TNIP1: variants seen among roughly 807,000 people sequenced by gnomAD.
The protein encoded by TNIP1 is TNFAIP3-interacting protein 1.
A neutral mutation model predicts 86.6 loss-of-function variants in TNIP1; 22 were observed. The observed-to-expected ratio is 0.25, with a 90% CI of 0.18 to 0.36. TNIP1 has a LOEUF of 0.36. Among genes scored for constraint, TNIP1 ranks in the 10% least tolerant of loss-of-function variants. TNIP1 has a pLI of 1.00. For synonymous variants in TNIP1, 294 were observed against 313.0 expected (o/e 0.94, Z 0.64); for missense variants, 709 against 820.6 (o/e 0.86, Z 1.66).
intron 5 of TNIP1, among the ~76,000 whole-genome samples, chr5:151,057,475 C>T (rs915212351): frequency 9.9e-5 from 15 of 152,200 alleles, no homozygotes; most frequent in Non-Finnish European, 2.9e-5. Context: ...CCTGTAATCC[C>T]ACCACTTTGG....
chr5:151,070,189 G>A (rs1762681478), intron 1 of TNIP1, among the ~76,000 whole-genome samples: 1 of 152,204 alleles, frequency 6.6e-6, no homozygotes, highest in Non-Finnish European at 1.5e-5. Context: ...AACAATATGT[G>A]TATAGTTGGA....
chr5:151,035,527 C>T, intron 14 of TNIP1, 55 bp downstream of exon 14: 7 of 1,612,940 alleles, frequency 4.3e-6, no homozygotes, highest in South Asian at 3.3e-5. Context: ...CAATCCATGC[C>T]CCCTCTCCCC....
At chr5:151,037,025 A>G (rs968426450) in intron 12 of TNIP1, 104 bp from the exon 13 acceptor site, 2 of 1,384,792 alleles carry the variant, frequency 1.4e-6, no homozygotes, top group African/African-American at 2.9e-5. Context: ...AATCATACTA[A>G]TAATAGCCAC....
chr5:151,076,205 G>C (rs1483176562), intron 1 of TNIP1, among the ~76,000 whole-genome samples: 3 of 152,234 alleles, frequency 2.0e-5, no homozygotes, highest in African/African-American at 7.2e-5. Flanking sequence ...GTCTTTCTCT[G>C]GGGGTTGGGA....
chr5:151,072,107 A>G (rs1307905852), intron 1 of TNIP1, among the ~76,000 whole-genome samples: 1 of 152,230 alleles, frequency 6.6e-6, no homozygotes, highest in Admixed American at 6.5e-5. Context: ...TTGCCTGAGA[A>G]TACACAGCTG....
intron 11 of TNIP1, 114 bp from the exon 12 acceptor site, chr5:151,039,339 T>G (rs1343677950): frequency 8.1e-7 from 1 of 1,237,590 alleles, no homozygotes; most frequent in Non-Finnish European, 1.1e-6. Context: ...CACTTCACAA[T>G]GCTCACATGC....
intron 12 of TNIP1, among the ~76,000 whole-genome samples, chr5:151,037,770 G>A (rs895539034): frequency 1.3e-5 from 2 of 152,152 alleles, no homozygotes; most frequent in African/African-American, 4.8e-5. Context: ...GGACCGAGGG[G>A]AGATAGAGAC....
At chr5:151,050,018 C>T in intron 7 of TNIP1, 71 bp from the exon 8 acceptor site, 1 of 1,599,822 alleles carries the variant, frequency 6.3e-7, no homozygotes, top group Non-Finnish European at 8.5e-7. Flanking sequence ...CTCCTTAATG[C>T]TCACTATCGC....
intron 1 of TNIP1, among the ~76,000 whole-genome samples, chr5:151,080,620 T>C (rs1323408478): frequency 2.0e-5 from 3 of 152,198 alleles, no homozygotes; most frequent in Non-Finnish European, 4.4e-5. Context: ...CTGCGCTCTC[T>C]ACAACCGCCC....
At chr5:151,054,654 G>A (rs1045989810) in intron 6 of TNIP1, among the ~76,000 whole-genome samples, 40 of 152,184 alleles carry the variant, frequency 2.6e-4, no homozygotes, top group African/African-American at 8.9e-4. Flanking sequence ...ACTCCAGCCT[G>A]GGTGGCGGAG....
rs748371382 is a variant in TNIP1, at chr5:151,056,820, G to A, written c.573C>T (p.Phe191=). The change falls in exon 6 of 18, where the codon TTC becomes TTT. Residue 191 remains phenylalanine, a synonymous_variant. Transcript: ENST00000521591. ...TGTGCACCTTGGATGCCAGTCGGTT[G>A]AACTCCAGGGCCATGCGGCCCAGGT... ...FTHLGRMALE[F]NRLASKVHKN... 6.3e-7 allele frequency: 1 copy of A among 1,583,534 alleles called. No homozygotes were observed. The highest frequency in any genetic ancestry group is 2.4e-5 in the East Asian group (1 of 42,042).
chr5:151,063,473 A>C (rs1761839960), intron 3 of TNIP1, 140 bp downstream of exon 3: 1 of 1,330,300 alleles, frequency 7.5e-7, no homozygotes, highest in Non-Finnish European at 1.0e-6. Flanking sequence ...GTGGCAGCCA[A>C]AACATGAATG....
intron 9 of TNIP1, among the ~76,000 whole-genome samples, chr5:151,043,363 A>G (rs1462131273): frequency 6.6e-6 from 1 of 152,220 alleles, no homozygotes; most frequent in Non-Finnish European, 1.5e-5. Context: ...ATATATACAC[A>G]AGGCTAATCA....
chr5:151,056,997 GC>G lies in TNIP1; in HGVS notation c.436-41del, dbSNP rs1453821913. The stretch of plus-strand genomic sequence containing the variant: ...GGCACACGGCCCACTCTTCACCAAG[GC>G]CTGAGTAGGCGCCGCCAGTCCATTC... On this transcript the variant is annotated intron_variant, in intron 5 of 17. Coordinates refer to ENST00000521591, the MANE Select transcript of TNIP1 (RefSeq NM_006058.5). 1.2e-5 allele frequency: 16 copies of G among 1,383,088 alleles called. No individual in the cohort carries two copies. The African/African-American group carries it at 1.5e-4, about 13-fold the overall frequency. 85.7% of individuals were successfully genotyped at this position (1,383,088 alleles called of 1,614,324 possible). A position where few individuals can be genotyped will look rare whatever the true frequency, so the allele number is the denominator to read the frequency against.
chr5:151,033,572 T>C, intron 16 of TNIP1, 36 bp downstream of exon 16: 1 of 1,364,606 alleles, frequency 7.3e-7, no homozygotes, highest in Non-Finnish European at 9.8e-7. Flanking sequence ...GCAGCCTCTG[T>C]GTGTGCCCTG....
chr5:151,071,178 G>A (rs1179990061), intron 1 of TNIP1, among the ~76,000 whole-genome samples: 1 of 152,174 alleles, frequency 6.6e-6, no homozygotes, highest in African/African-American at 2.4e-5. Context: ...GTTCACACAT[G>A]AGTGAGGACA....
intron 1 of TNIP1, among the ~76,000 whole-genome samples, chr5:151,079,345 C>T (rs764713811): frequency 4.6e-5 from 7 of 152,120 alleles, no homozygotes; most frequent in African/African-American, 1.7e-4. Flanking sequence ...TAAGTGAGGC[C>T]GGGCGGGGCG....
intron 1 of TNIP1, among the ~76,000 whole-genome samples, chr5:151,066,191 G>A (rs1762216688): frequency 6.6e-6 from 1 of 152,196 alleles, no homozygotes; most frequent in Non-Finnish European, 1.5e-5. Flanking sequence ...ATGCACAAAA[G>A]GCCCCAAGCA....
upstream of TNIP1, among the ~76,000 whole-genome samples, chr5:151,083,943 C>T (rs1764176355): frequency 6.6e-6 from 1 of 152,176 alleles, no homozygotes; most frequent in Non-Finnish European, 1.5e-5. Flanking sequence ...CTTATGAGGT[C>T]GGCACCATTA....
Sources: allele counts gnomAD v4.1 joint callset (sites outside exome capture counted in the v4.1 genomes callset), GRCh38; gene constraint gnomAD v4.1.1; transcripts MANE v1.5; gene names NCBI Gene and HGNC (gene_info 2026-07-23, HGNC 2026-07-21).